Variants in VPS13A observed in about 807,000 individuals in gnomAD.
VPS13A encodes intermembrane lipid transfer protein VPS13A.
In VPS13A, 264 loss-of-function variants were observed where a neutral mutation model predicts 390.9. The observed-to-expected ratio is 0.68, with a 90% CI of 0.61 to 0.75. VPS13A has a LOEUF of 0.75. Among genes scored for constraint, VPS13A ranks in the 30% least tolerant of loss-of-function variants. The pLI, the probability that VPS13A is intolerant of heterozygous loss-of-function variation, is 0.00. For missense variants in VPS13A, 3,409 were observed against 3,733.9 expected, an observed-to-expected ratio of 0.91 and a Z score of 2.27; for synonymous variants, 1,231 against 1,227.1, an observed-to-expected ratio of 1.00 and a Z score of -0.07.
At chr9:77,285,044 C>T (rs1016182299) in intron 31 of VPS13A, among the ~76,000 whole-genome samples, 1 of 152,212 alleles carries the variant, frequency 6.6e-6, no homozygotes, top group East Asian at 1.9e-4. Flanking sequence ...GTTAAAAATT[C>T]AGTTTACAGA....
intron 1 of VPS13A, among the ~76,000 whole-genome samples, chr9:77,195,723 C>A (rs1030754549): frequency 6.6e-6 from 1 of 151,838 alleles, no homozygotes; most frequent in Non-Finnish European, 1.5e-5. Flanking sequence ...GGCGACACAG[C>A]GAGACTCCGT....
chr9:77,183,354 G>T (rs1824138816), intron 1 of VPS13A, among the ~76,000 whole-genome samples: 2 of 152,138 alleles, frequency 1.3e-5, no homozygotes, highest in Admixed American at 1.3e-4. Flanking sequence ...GTGCCTTTTT[G>T]TAAACCGTAT....
intron 33 of VPS13A, 121 bp from the exon 34 acceptor site, chr9:77,302,794 T>C: frequency 9.1e-7 from 1 of 1,095,754 alleles, no homozygotes; most frequent in Non-Finnish European, 1.3e-6. Context: ...ATTTTCCCTT[T>C]ATACCCAACA....
intron 71 of VPS13A, among the ~76,000 whole-genome samples, chr9:77,415,245 G>A (rs774394021): frequency 1.2e-4 from 18 of 152,236 alleles, no homozygotes; most frequent in Admixed American, 7.8e-4. Context: ...ATCCCAGAAG[G>A]TTTGTTTTTA....
chr9:77,359,574 T>TTGGGAG (rs534024329), intron 58 of VPS13A, among the ~76,000 whole-genome samples, 172 bp downstream of exon 58: 216 of 152,288 alleles, frequency 1.4e-3, no homozygotes, highest in African/African-American at 5.1e-3. Flanking sequence ...TGCCAGCACT[T>TTGGGAG]TGGGAGACCT....
At chr9:77,357,606 G>A in intron 55 of VPS13A, 86 bp from the exon 56 acceptor site, 1 of 1,380,188 alleles carries the variant, frequency 7.2e-7, no homozygotes, top group Non-Finnish European at 1.0e-6. Context: ...GTAGCTTACT[G>A]TTTTAAAAAG....
intron 1 of VPS13A, among the ~76,000 whole-genome samples, chr9:77,194,151 G>A (rs1040214686): frequency 6.6e-6 from 1 of 152,060 alleles, no homozygotes; most frequent in East Asian, 1.9e-4. Flanking sequence ...TGTGGGTGAC[G>A]GTGTCCTGGC....
rs149872072 is a variant in VPS13A, at chr9:77,298,373, G to A, written c.3812+2527G>A. On this transcript the variant is annotated intron_variant, in intron 33 of 71. Transcript: ENST00000360280. ...TAGAGTGGGACATATGAAGAAGAAT[G>A]CTGAGGAATACCAGTGTTTAAATAA... 1.4e-4 allele frequency among the ~76,000 whole-genome samples: 22 copies of A among 152,310 alleles called. No individual in the cohort carries two copies. In the East Asian group the frequency reaches 4.2e-3, roughly 29 times the overall value.
intron 69 of VPS13A, among the ~76,000 whole-genome samples, chr9:77,404,171 A>G (rs112029229): frequency 2.6e-5 from 4 of 152,288 alleles, no homozygotes; most frequent in African/African-American, 7.2e-5. Context: ...TCCACCCCAG[A>G]TACTGGTCCC....
At chr9:77,374,839 T>G (rs1486061796) in intron 67 of VPS13A, among the ~76,000 whole-genome samples, 1 of 152,124 alleles carries the variant, frequency 6.6e-6, no homozygotes, top group Non-Finnish European at 1.5e-5. Flanking sequence ...TAGACCCATC[T>G]TAGAAAGTTA....
chr9:77,198,561 C>CT (rs141093512), intron 1 of VPS13A, among the ~76,000 whole-genome samples: 2,780 of 152,060 alleles, frequency 0.018, 57 homozygotes, highest in African/African-American at 0.05. Context: ...CATGGGCTTA[C>CT]TTTTTTTTAA....
At chr9:77,377,410 G>A (rs1489877744) in intron 67 of VPS13A, among the ~76,000 whole-genome samples, 1 of 151,598 alleles carries the variant, frequency 6.6e-6, no homozygotes, top group Non-Finnish European at 1.5e-5. Context: ...TAGTAGAGAC[G>A]GGGTTTCACC....
chr9:77,267,439 C>T (rs1380285644), intron 23 of VPS13A, among the ~76,000 whole-genome samples: 1 of 152,176 alleles, frequency 6.6e-6, no homozygotes, highest in African/African-American at 2.4e-5. Context: ...TGCAGGTCTG[C>T]TGGAGTTTGT....
rs1311617170 is a variant in VPS13A at position 77,184,094 on chromosome 9, A to G, written c.100+6290A>G. Among the ~76,000 whole-genome samples the G allele has an allele frequency of 3.3e-5, 5 of 152,322 alleles. No homozygotes were observed. In the East Asian group the frequency reaches 9.6e-4, roughly 29 times the overall value. ...TTTGAGGTAAAATTTATGTAGAAGA[A>G]AATATACAAATCTTAAGTGTACATT... is the stretch of plus-strand genomic sequence containing the variant. On this transcript the variant is annotated intron_variant, in intron 1 of 71. Coordinates refer to ENST00000360280, the MANE Select transcript of VPS13A (RefSeq NM_033305.3).
At chr9:77,247,842 G>A (rs1207798730) in intron 20 of VPS13A, among the ~76,000 whole-genome samples, 1 of 152,018 alleles carries the variant, frequency 6.6e-6, no homozygotes, top group African/African-American at 2.4e-5. Context: ...TGTATTTTTA[G>A]TAGAGACGGA....
At chr9:77,248,857 A>G (rs1457848293) in intron 20 of VPS13A, among the ~76,000 whole-genome samples, 1 of 152,012 alleles carries the variant, frequency 6.6e-6, no homozygotes, top group Non-Finnish European at 1.5e-5. Context: ...TCAGCCTCCC[A>G]AGTAGCTGGG....
chr9:77,373,081 G>A (rs1180718201), intron 67 of VPS13A, among the ~76,000 whole-genome samples: 1 of 152,072 alleles, frequency 6.6e-6, no homozygotes, highest in Non-Finnish European at 1.5e-5. Context: ...TACAGATTCA[G>A]TGCTATCCCC....
chr9:77,303,997 C>A lies in VPS13A; in HGVS notation c.3960+935C>A, dbSNP rs186498034. Among the ~76,000 whole-genome samples the A allele has an allele frequency of 1.7e-3, 254 of 152,190 alleles. 2 individuals are homozygous for A. Among genetic ancestry groups the A allele is most frequent in the African/African-American group, 5.5e-3 (229 of 41,526 alleles). On this transcript the variant is annotated intron_variant, in intron 34 of 71. Coordinates refer to ENST00000360280, the MANE Select transcript of VPS13A (RefSeq NM_033305.3). ...TTTTACTAATCCACCTCAGCACAGA[C>A]CCTTTACGAGTGTCGGACTGGGGGA...
intron 17 of VPS13A, among the ~76,000 whole-genome samples, chr9:77,236,377 T>C (rs1433149241): frequency 6.6e-6 from 1 of 152,236 alleles, no homozygotes; most frequent in East Asian, 1.9e-4. Flanking sequence ...TCTTCCCTTT[T>C]CTGTGTAAGC....
Sources: gnomAD v4.1 joint callset for allele counts (sites outside exome capture counted in the v4.1 genomes callset) on GRCh38, gnomAD v4.1.1 for gene constraint, MANE v1.5 for transcripts, NCBI Gene and HGNC (gene_info 2026-07-23, HGNC 2026-07-21) for gene names.